Variants in STPG2 observed in about 807,000 individuals in gnomAD.
STPG2 encodes the protein sperm-tail PG-rich repeat-containing protein 2.
Under a neutral mutation model 54.2 loss-of-function variants are expected in STPG2, and 56 were observed. The ratio of observed to expected loss-of-function variants is 1.03; its 90% CI spans 0.83 to 1.29. The LOEUF is 1.29. Ranked by LOEUF, STPG2 falls within the 50% of genes most tolerant of loss-of-function variation. STPG2 has a pLI of 0.00. For synonymous variants in STPG2, 200 were observed against 181.8 expected, an observed-to-expected ratio of 1.10 and a Z score of -0.81; for missense variants, 596 against 544.9, an observed-to-expected ratio of 1.09 and a Z score of -0.93.
At chr4:97,558,484 C>T (rs1369693095), downstream of STPG2, among the ~76,000 whole-genome samples, 3 of 152,230 alleles carry the variant, frequency 2.0e-5, no homozygotes, top group Non-Finnish European at 4.4e-5. Flanking sequence ...CAAATTCTTT[C>T]TGGCTCTTCT....
chr4:97,993,224 C>T (rs544444808), intron 5 of STPG2, among the ~76,000 whole-genome samples: 35 of 152,222 alleles, frequency 2.3e-4, no homozygotes, highest in Non-Finnish European at 4.6e-4. Context: ...GTGGGTTTAT[C>T]ATAGATGACT....
At chr4:97,715,274 C>A (rs937620760) in intron 9 of STPG2, among the ~76,000 whole-genome samples, 7 of 152,126 alleles carry the variant, frequency 4.6e-5, no homozygotes, top group African/African-American at 1.7e-4. Context: ...TTTTTAGATA[C>A]CAAAATGTCA....
chr4:97,578,270 A>C (rs1049022165), intron 10 of STPG2, among the ~76,000 whole-genome samples: 3 of 151,978 alleles, frequency 2.0e-5, no homozygotes, highest in Non-Finnish European at 4.4e-5. Flanking sequence ...ACTCCCAGCT[A>C]AATTTGTGTA....
chr4:98,127,129 G>C (rs1292200298), intron 3 of STPG2, among the ~76,000 whole-genome samples: 1 of 151,844 alleles, frequency 6.6e-6, no homozygotes, highest in South Asian at 2.1e-4. Context: ...TGTAATGAAG[G>C]TTTAATGTTT....
chr4:98,113,811 C>T (rs7377018), intron 3 of STPG2, among the ~76,000 whole-genome samples: 60,031 of 151,736 alleles, frequency 0.4, 12,118 homozygotes, highest in Middle Eastern at 0.46. Context: ...CAAATCTCTG[C>T]AACACATAGG....
chr4:98,074,281 T>C lies in STPG2; in HGVS notation c.612+31672A>G, dbSNP rs557517264. Among the ~76,000 whole-genome samples the C allele has an allele frequency of 1.6e-4, 25 of 152,338 alleles. No homozygotes were observed. In the South Asian group the frequency reaches 3.5e-3, roughly 21 times the overall value. On this transcript the variant is annotated intron_variant, in intron 5 of 10. Transcript: ENST00000295268. ...GTCTTCTGGTCTCCCATCATTTCAG[T>C]TGAATAGTCATCTAGAGGTTATATT...
intron 7 of STPG2, among the ~76,000 whole-genome samples, chr4:97,960,817 T>C (rs979734796): frequency 6.6e-6 from 1 of 151,736 alleles, no homozygotes; most frequent in Non-Finnish European, 1.5e-5. Context: ...CAAAATACCA[T>C]CATCACCCTC....
intron 10 of STPG2, among the ~76,000 whole-genome samples, chr4:97,646,298 C>T (rs904387057): frequency 2.6e-5 from 4 of 152,138 alleles, no homozygotes; most frequent in African/African-American, 9.6e-5. Flanking sequence ...GTCCTCTATC[C>T]ACCATTTGTA....
chr4:97,713,989 T>C (rs1201368067), intron 9 of STPG2, among the ~76,000 whole-genome samples: 1 of 152,120 alleles, frequency 6.6e-6, no homozygotes, highest in Non-Finnish European at 1.5e-5. Context: ...ATATGTGGAA[T>C]ATAATTTCAG....
chr4:97,669,276 A>C (rs909872221), intron 10 of STPG2, among the ~76,000 whole-genome samples: 2 of 152,116 alleles, frequency 1.3e-5, no homozygotes, highest in Admixed American at 1.3e-4. Context: ...TGTCGCATGG[A>C]TGTTATATGT....
At chr4:97,992,398 C>T (rs557510241) in intron 5 of STPG2, among the ~76,000 whole-genome samples, 2 of 152,194 alleles carry the variant, frequency 1.3e-5, no homozygotes, top group Non-Finnish European at 2.9e-5. Context: ...TGTCAAAGAT[C>T]AGTTGACTGT....
chr4:97,607,829 G>A (rs1733632825), intron 10 of STPG2, among the ~76,000 whole-genome samples: 1 of 152,016 alleles, frequency 6.6e-6, no homozygotes, highest in South Asian at 2.1e-4. Flanking sequence ...TGCTGCAGAG[G>A]AGAATAAATA....
At chr4:97,983,329 T>C (rs1328214414) in intron 5 of STPG2, among the ~76,000 whole-genome samples, 1 of 152,236 alleles carries the variant, frequency 6.6e-6, no homozygotes, top group Non-Finnish European at 1.5e-5. Context: ...GTTATTTGAC[T>C]ATGTTATTGG....
chr4:97,558,317 G>A (rs1218015936), downstream of STPG2, among the ~76,000 whole-genome samples: 1 of 152,146 alleles, frequency 6.6e-6, no homozygotes, highest in Non-Finnish European at 1.5e-5. Context: ...TGAAACATAG[G>A]TGGTAGGCAG....
At chr4:97,834,570 A>C (rs1439078862) in intron 9 of STPG2, among the ~76,000 whole-genome samples, 2 of 152,086 alleles carry the variant, frequency 1.3e-5, no homozygotes, top group Admixed American at 1.3e-4. Flanking sequence ...TAATAAAGCA[A>C]ATTGGTCGTA....
intron 1 of STPG2, among the ~76,000 whole-genome samples, chr4:98,135,431 T>A (rs1378050949): frequency 6.6e-6 from 1 of 151,766 alleles, no homozygotes; most frequent in Non-Finnish European, 1.5e-5. Context: ...AAAATATAGA[T>A]CTTACCTCTA....
intron 10 of STPG2, among the ~76,000 whole-genome samples, chr4:97,591,117 G>A (rs961974816): frequency 4.6e-5 from 7 of 151,994 alleles, no homozygotes; most frequent in Admixed American, 6.6e-5. Context: ...TTAAAAGACA[G>A]AAGATATTAA....
At chr4:97,747,027 T>A (rs994431766) in intron 9 of STPG2, among the ~76,000 whole-genome samples, 50 of 149,036 alleles carry the variant, frequency 3.4e-4, no homozygotes, top group African/African-American at 9.8e-4. Context: ...AAAAAAAAAA[T>A]CTTTTACAGT....
At chr4:97,755,606 G>T (rs1445766143) in intron 9 of STPG2, among the ~76,000 whole-genome samples, 1 of 152,000 alleles carries the variant, frequency 6.6e-6, no homozygotes, top group African/African-American at 2.4e-5. Flanking sequence ...AAACTATCTG[G>T]CTCTCAAGAA....
Sources: allele counts gnomAD v4.1 joint callset (sites outside exome capture counted in the v4.1 genomes callset), GRCh38; gene constraint gnomAD v4.1.1; transcripts MANE v1.5; gene names NCBI Gene and HGNC (gene_info 2026-07-23, HGNC 2026-07-21).